Variants in ETFA observed in about 807,000 individuals in gnomAD.
ETFA encodes the protein electron transfer flavoprotein subunit alpha, mitochondrial.
A neutral mutation model predicts 46.2 loss-of-function variants in ETFA; 22 were observed. The observed-to-expected ratio is 0.48, with a 90% CI of 0.34 to 0.68. The LOEUF (loss-of-function observed/expected upper bound fraction) is 0.68, where lower values mean the gene tolerates loss of function less well. Among genes scored for constraint, ETFA ranks in the 30% least tolerant of loss-of-function variants. The pLI is 0.01. For synonymous variants in ETFA, 131 were observed against 139.9 expected (o/e 0.94, Z 0.45); for missense variants, 345 against 401.1 (o/e 0.86, Z 1.19).
At chr15:76,232,409 T>G (rs1224767891) in intron 9 of ETFA, among the ~76,000 whole-genome samples, 1 of 152,220 alleles carries the variant, frequency 6.6e-6, no homozygotes, top group Non-Finnish European at 1.5e-5. Flanking sequence ...GAGGTATAAC[T>G]ACCATGTAAC....
At chr15:76,232,512 C>T (rs2039079384) in intron 9 of ETFA, among the ~76,000 whole-genome samples, 1 of 152,156 alleles carries the variant, frequency 6.6e-6, no homozygotes, top group African/African-American at 2.4e-5. Context: ...TTCTGTTATA[C>T]TTACTTTTAT....
At chr15:76,216,740 C>G (rs1287088399) in intron 11 of ETFA, 143 bp from the exon 12 acceptor site, 5 of 658,618 alleles carry the variant, frequency 7.6e-6, no homozygotes, top group Non-Finnish European at 1.4e-5. Context: ...CCACCAGGAA[C>G]CCCCTGTTCT....
At chr15:76,284,949 C>T (rs961804626) in intron 7 of ETFA, 34 of 396,686 alleles carry the variant, frequency 8.6e-5, no homozygotes, top group African/African-American at 2.2e-4. Flanking sequence ...AAAAAGAAAA[C>T]GAAAAACAAG....
intron 9 of ETFA, among the ~76,000 whole-genome samples, chr15:76,271,354 C>A (rs1181202369): frequency 6.6e-6 from 1 of 152,196 alleles, no homozygotes; most frequent in Admixed American, 6.5e-5. Flanking sequence ...AAATTGTATA[C>A]CATCTGATAG....
chr15:76,226,960 T>C (rs1157928869), intron 10 of ETFA, among the ~76,000 whole-genome samples: 2 of 152,226 alleles, frequency 1.3e-5, no homozygotes, highest in Non-Finnish European at 2.9e-5. Flanking sequence ...ATATGAAAGC[T>C]AAAGTATCTT....
At chr15:76,241,214 T>C (rs1259154326) in intron 9 of ETFA, among the ~76,000 whole-genome samples, 3 of 152,080 alleles carry the variant, frequency 2.0e-5, no homozygotes, top group African/African-American at 7.2e-5. Flanking sequence ...AAAACTTTAT[T>C]TGAAGGCTGG....
At chr15:76,308,179 C>A (rs536029805) in intron 1 of ETFA, among the ~76,000 whole-genome samples, 5 of 152,064 alleles carry the variant, frequency 3.3e-5, no homozygotes, top group South Asian at 2.1e-4. Context: ...AAAAAATGTA[C>A]GAAGGTATCA....
intron 10 of ETFA, chr15:76,228,075 G>A: frequency 2.4e-6 from 1 of 420,488 alleles, no homozygotes; most frequent in Non-Finnish European, 4.8e-6. Context: ...ACGGCGATAA[G>A]CAGAGATTTG....
intron 9 of ETFA, among the ~76,000 whole-genome samples, chr15:76,258,516 T>C (rs769521229): frequency 6.6e-6 from 1 of 152,066 alleles, no homozygotes; most frequent in Admixed American, 6.5e-5. Flanking sequence ...TACAAGAACA[T>C]CTCTTTGTGA....
At chr15:76,291,235 G>T (rs1443665934) in intron 4 of ETFA, among the ~76,000 whole-genome samples, 1 of 151,912 alleles carries the variant, frequency 6.6e-6, no homozygotes, top group Non-Finnish European at 1.5e-5. Context: ...CTGAGGTCAG[G>T]AGTTCGAGAC....
chr15:76,250,301 C>T (rs983892084), intron 9 of ETFA, among the ~76,000 whole-genome samples: 2 of 151,782 alleles, frequency 1.3e-5, no homozygotes, highest in African/African-American at 4.8e-5. Context: ...TATATCAGTG[C>T]TCCCCAACTT....
intron 9 of ETFA, among the ~76,000 whole-genome samples, chr15:76,235,802 A>AAACAGATT (rs1357816405): frequency 6.6e-6 from 1 of 152,206 alleles, no homozygotes; most frequent in East Asian, 1.9e-4. Context: ...TAGGAGCAGA[A>AAACAGATT]AACAGATTAG....
chr15:76,219,830 C>G (rs1451727734), intron 11 of ETFA, among the ~76,000 whole-genome samples: 1 of 152,168 alleles, frequency 6.6e-6, no homozygotes. Flanking sequence ...CAGAAAATAA[C>G]AAGTGTTACT....
Position 76,295,590 on chromosome 15 carries a change from C to T in ETFA, c.186+1G>A, listed in dbSNP as rs2141543695. 6.2e-7 allele frequency: 1 copy of T among 1,613,230 alleles called. No individual in the cohort carries two copies. The highest frequency in any genetic ancestry group is 8.5e-7 in the Non-Finnish European group (1 of 1,179,260). On this transcript the variant is annotated splice_donor_variant, in intron 2 of 11. Coordinates refer to ENST00000557943, the MANE Select transcript of ETFA (RefSeq NM_000126.4). LOFTEE classifies it high-confidence loss of function. ...TATGGCTGACCTTAAAAATTTCTCA[C>T]CTTGTCACATTTGGTTCCAGCTACT...
intron 9 of ETFA, among the ~76,000 whole-genome samples, chr15:76,262,474 CTTTT>C (rs60480510): frequency 2.1e-3 from 181 of 84,712 alleles, no homozygotes; most frequent in African/African-American, 4.6e-3. Context: ...ATCAAACCCC[CTTTT>C]TTTTTTTTTT....
chr15:76,263,615 G>T (rs1029238463), intron 9 of ETFA, among the ~76,000 whole-genome samples: 2 of 152,136 alleles, frequency 1.3e-5, no homozygotes, highest in Non-Finnish European at 2.9e-5. Flanking sequence ...CCGGAACAAG[G>T]GACTATGGAG....
intron 7 of ETFA, 53 bp from the exon 8 acceptor site, chr15:76,283,878 G>A: frequency 1.5e-6 from 2 of 1,325,534 alleles, no homozygotes. Flanking sequence ...ATACATTCTG[G>A]AACAATTTTG....
chr15:76,293,520 T>G (rs2039787750), intron 2 of ETFA, among the ~76,000 whole-genome samples: 2 of 152,228 alleles, frequency 1.3e-5, no homozygotes, highest in African/African-American at 4.8e-5. Context: ...AGAATGGGGT[T>G]CTGAGAAAGC....
chr15:76,267,508 C>T (rs1290925876), intron 9 of ETFA, among the ~76,000 whole-genome samples: 1 of 152,080 alleles, frequency 6.6e-6, no homozygotes, highest in Non-Finnish European at 1.5e-5. Flanking sequence ...CTAGATACTG[C>T]CTTCTGTTAC....
Sources: allele counts gnomAD v4.1 joint callset (sites outside exome capture counted in the v4.1 genomes callset), GRCh38; gene constraint gnomAD v4.1.1; transcripts MANE v1.5; gene names NCBI Gene and HGNC (gene_info 2026-07-23, HGNC 2026-07-21).